NEDD4: variants seen among roughly 807,000 people sequenced by gnomAD.
NEDD4 encodes the protein E3 ubiquitin-protein ligase NEDD4.
NEDD4 carries 99 observed loss-of-function variants against 144.9 expected under a neutral mutation model. The ratio of observed to expected loss-of-function variants is 0.68; its 90% CI spans 0.58 to 0.81. NEDD4 has a LOEUF of 0.81. Among genes scored for constraint, NEDD4 ranks in the 30% least tolerant of loss-of-function variants. The pLI, the probability that NEDD4 is intolerant of heterozygous loss-of-function variation, is 0.00. For synonymous variants in NEDD4, 318 were observed against 350.6 expected, an observed-to-expected ratio of 0.91 and a Z score of 1.04; for missense variants, 985 against 1,065.9, an observed-to-expected ratio of 0.92 and a Z score of 1.06.
intron 5 of NEDD4, chr15:55,916,205 G>C: frequency 1.2e-6 from 2 of 1,614,006 alleles, no homozygotes; most frequent in Non-Finnish European, 1.7e-6. Flanking sequence ...TGGAGGTGCT[G>C]TCAGAAGGTA....
intron 5 of NEDD4, chr15:55,917,197 C>T (rs376937793): frequency 1.0e-6 from 1 of 979,866 alleles, no homozygotes; most frequent in African/African-American, 1.9e-5. Flanking sequence ...GAATGAGTAA[C>T]ACAAGAACAA....
chr15:55,901,120 T>C (rs555092753), intron 5 of NEDD4, among the ~76,000 whole-genome samples: 4 of 152,164 alleles, frequency 2.6e-5, no homozygotes, highest in African/African-American at 7.2e-5. Context: ...ATGAGATGTT[T>C]TGATACGCTA....
intron 1 of NEDD4, among the ~76,000 whole-genome samples, chr15:55,986,586 T>C (rs1247885420): frequency 1.5e-5 from 2 of 137,814 alleles, no homozygotes; most frequent in Non-Finnish European, 3.1e-5. Flanking sequence ...CTTGCTTTTT[T>C]TTTTTTTTTT....
intron 1 of NEDD4, among the ~76,000 whole-genome samples, chr15:55,989,253 T>A (rs2037950261): frequency 6.6e-6 from 1 of 152,104 alleles, no homozygotes. Flanking sequence ...AATACATAAT[T>A]TAAAAATAAA....
rs150959218 is a variant in NEDD4 at position 55,852,488 on chromosome 15, C to A, written c.1082G>T (p.Arg361Ile). The A allele has an allele frequency of 3.1e-6, 5 of 1,613,226 alleles. No homozygotes were observed. The highest frequency in any genetic ancestry group is 3.3e-5 in the Admixed American group (2 of 59,948). Residue 361 changes from arginine (R) to isoleucine (I), a missense_variant, in exon 13 of 29, where the codon AGA (arginine) becomes ATA (isoleucine). Transcript: ENST00000435532. ...PPGWEEKQDE[R>I]GRSYYVDHNS... The stretch of plus-strand genomic sequence containing the variant: ...GTGATCTACATAATATGATCTTCCT[C>A]TTTCATCTTGTTTTTCTTCCCAACC...
intron 1 of NEDD4, among the ~76,000 whole-genome samples, chr15:55,974,891 CTTTTT>C (rs56285555): frequency 1.2e-4 from 9 of 75,712 alleles, no homozygotes; most frequent in Admixed American, 5.7e-4. Flanking sequence ...CTTTTCCTTT[CTTTTT>C]TTTTTTTTTT....
At chr15:55,967,998 A>G (rs1399451120) in intron 1 of NEDD4, among the ~76,000 whole-genome samples, 1 of 152,196 alleles carries the variant, frequency 6.6e-6, no homozygotes, top group African/African-American at 2.4e-5. Flanking sequence ...GCAAGACCTT[A>G]TTTTAAAAAA....
At chr15:55,946,887 C>T (rs1350972502) in intron 4 of NEDD4, among the ~76,000 whole-genome samples, 15 of 152,216 alleles carry the variant, frequency 9.9e-5, no homozygotes, top group Non-Finnish European at 2.2e-4. Flanking sequence ...AGAAACTGAA[C>T]AACCTGCTCC....
In NEDD4 at chr15:55,830,438, C is replaced by A. The variant is rs2032893957; in HGVS notation, c.2600+76G>T. ...ACCGACATAACACAGAGGAGACTAG[C>A]CCTGCTGTGGCTAGACTAACAGAGG... On this transcript the variant is annotated intron_variant, in intron 28 of 28. Coordinates refer to ENST00000435532, the MANE Select transcript of NEDD4 (RefSeq NM_006154.4). 4.0e-5 allele frequency: 51 copies of A among 1,288,006 alleles called. 1 individual carries two copies. Among genetic ancestry groups the A allele is most frequent in the South Asian group, 3.8e-4 (32 of 84,300 alleles). The allele number at this position is 1,288,006 out of a possible 1,614,324, so 79.8% of individuals were successfully genotyped here.
rs572510041 is a variant in NEDD4, at chr15:55,860,763, A to T, written c.690T>A (p.Asp230Glu). The T allele has an allele frequency of 2.5e-5, 41 of 1,614,106 alleles. No homozygotes were observed. In the South Asian group the frequency reaches 4.1e-4, roughly 16 times the overall value. Residue 230 changes from aspartate to glutamate, a missense_variant, in exon 10 of 29, where the codon GAT becomes GAA. Asp to Glu is a conservative substitution (Grantham distance 45). Coordinates refer to ENST00000435532, the MANE Select transcript of NEDD4 (RefSeq NM_006154.4). ...KRPTPQDNLT[D>E]AENGNIQLQA... ...GCAGTTGAATGTTGCCATTCTCAGC[A>T]TCTGTTAGGTTGTCCCTATATTGGA...
At chr15:55,885,184 A>G (rs1439390817) in intron 5 of NEDD4, among the ~76,000 whole-genome samples, 2 of 152,212 alleles carry the variant, frequency 1.3e-5, no homozygotes, top group Admixed American at 1.3e-4. Context: ...TTTACCCTAC[A>G]ATAGTATATC....
chr15:55,913,267 A>C (rs759550238), intron 5 of NEDD4, among the ~76,000 whole-genome samples: 1 of 152,094 alleles, frequency 6.6e-6, no homozygotes, highest in South Asian at 2.1e-4. Context: ...AGTCATGGGA[A>C]ATATTTTGGG....
intron 2 of NEDD4, among the ~76,000 whole-genome samples, chr15:55,959,817 A>G (rs2037396926): frequency 6.6e-6 from 1 of 152,226 alleles, no homozygotes; most frequent in Non-Finnish European, 1.5e-5. Context: ...CAGCAACCAC[A>G]TTAGCTTGGA....
intron 1 of NEDD4, among the ~76,000 whole-genome samples, chr15:55,989,863 C>T (rs2037961222): frequency 6.6e-6 from 1 of 152,114 alleles, no homozygotes; most frequent in African/African-American, 2.4e-5. Flanking sequence ...AGGTGAGTGG[C>T]AGGCCAGTGA....
chr15:55,958,290 GT>G (rs1157006897), intron 2 of NEDD4, among the ~76,000 whole-genome samples: 2 of 152,016 alleles, frequency 1.3e-5, no homozygotes, highest in Non-Finnish European at 1.5e-5. Flanking sequence ...ATGACCATGT[GT>G]TTTTTCTACT....
intron 4 of NEDD4, among the ~76,000 whole-genome samples, chr15:55,927,646 T>G (rs1340477857): frequency 6.6e-6 from 1 of 152,152 alleles, no homozygotes; most frequent in Non-Finnish European, 1.5e-5. Context: ...GAAGAAGAGT[T>G]AAGACTTGAT....
At chr15:55,855,054 C>T (rs768443762) in intron 12 of NEDD4, among the ~76,000 whole-genome samples, 1 of 152,138 alleles carries the variant, frequency 6.6e-6, no homozygotes, top group Non-Finnish European at 1.5e-5. Context: ...GTAAGGCTAG[C>T]GATGATAGTC....
chr15:55,992,568 A>G (rs2038005083), intron 1 of NEDD4, among the ~76,000 whole-genome samples: 1 of 152,170 alleles, frequency 6.6e-6, no homozygotes, highest in Admixed American at 6.5e-5. Context: ...GAAAGCAAAA[A>G]ACTTGATTTT....
intron 2 of NEDD4, among the ~76,000 whole-genome samples, chr15:55,956,423 G>A (rs768920282): frequency 6.7e-4 from 102 of 152,074 alleles, no homozygotes; most frequent in Non-Finnish European, 1.3e-3. Context: ...TGTTCCTATA[G>A]AAGTTTTATC....
Sources: allele counts gnomAD v4.1 joint callset (sites outside exome capture counted in the v4.1 genomes callset), GRCh38; gene constraint gnomAD v4.1.1; transcripts MANE v1.5; gene names NCBI Gene and HGNC (gene_info 2026-07-23, HGNC 2026-07-21).